The following PCNP variants were observed in gnomAD, a reference collection of about 807,000 sequenced individuals.
PCNP encodes PEST proteolytic signal containing nuclear protein, also known as PEST proteolytic signal-containing nuclear protein.
PCNP carries 6 observed loss-of-function variants against 21.8 expected under a neutral mutation model. That is an observed-to-expected ratio of 0.28 (90% CI 0.15 to 0.54). The LOEUF is 0.54. Among genes scored for constraint, PCNP ranks in the 20% least tolerant of loss-of-function variants. The pLI is 0.95. For missense variants in PCNP, 161 were observed against 215.5 expected, an observed-to-expected ratio of 0.75 and a Z score of 1.58; for synonymous variants, 67 against 73.2, an observed-to-expected ratio of 0.92 and a Z score of 0.43.
intron 4 of PCNP, among the ~76,000 whole-genome samples, chr3:101,591,308 C>T (rs1445768234): frequency 2.0e-5 from 3 of 152,202 alleles, no homozygotes; most frequent in African/African-American, 7.2e-5. Context: ...ACCACCTCAA[C>T]CCCATACTAT....
intron 4 of PCNP, among the ~76,000 whole-genome samples, chr3:101,591,257 T>C (rs769487537): frequency 1.3e-5 from 2 of 152,246 alleles, no homozygotes; most frequent in African/African-American, 2.4e-5. Flanking sequence ...TGTCTTTGTG[T>C]GCATTAATGG....
chr3:101,575,321 A>G (rs955025645), intron 1 of PCNP, among the ~76,000 whole-genome samples: 3 of 152,340 alleles, frequency 2.0e-5, no homozygotes, highest in East Asian at 3.9e-4. Context: ...ACCTACTAAC[A>G]TAATGTTTCA....
chr3:101,589,990 G>T, intron 3 of PCNP: 1 of 486,204 alleles, frequency 2.1e-6, no homozygotes, highest in Non-Finnish European at 3.7e-6. Flanking sequence ...TAGAATGTTT[G>T]TTTTTTCAGC....
chr3:101,592,278 G>T (rs966969946), intron 4 of PCNP, among the ~76,000 whole-genome samples: 62 of 151,864 alleles, frequency 4.1e-4, no homozygotes, highest in African/African-American at 1.5e-3. Context: ...GGTTCAAGCA[G>T]TTGTCCTGCC....
intron 1 of PCNP, chr3:101,574,910 T>G (rs570880352): frequency 6.6e-6 from 1 of 152,438 alleles, no homozygotes; most frequent in South Asian, 2.1e-4. Context: ...CCCTCTGGTT[T>G]AAGCTGCGGG....
At chr3:101,589,607 T>A (rs1461909682) in intron 3 of PCNP, 1 of 152,598 alleles carries the variant, frequency 6.6e-6, no homozygotes, top group Non-Finnish European at 1.5e-5. Context: ...AGACGGGGTT[T>A]CACCATGTTG....
chr3:101,585,586 T>A, intron 3 of PCNP, 75 bp downstream of exon 3: 3 of 824,020 alleles, frequency 3.6e-6, no homozygotes, highest in Non-Finnish European at 6.0e-6. Flanking sequence ...AATTATAGGT[T>A]ATAATAGTAT....
At position 101,574,275 on chromosome 3, in the gene PCNP, C is replaced by T. The variant is rs1446410984; in HGVS notation, c.60C>T (p.Ala20=). The T allele has an allele frequency of 2.0e-6, 3 of 1,535,354 alleles. No homozygotes were observed. The highest frequency in any genetic ancestry group is 2.0e-5 in the Admixed American group (1 of 49,866). ...KPEKSQRAGA[A]GGPEEEAEKP... ...AAAAGTCGCAGCGAGCTGGAGCCGC[C>T]GGAGGTGAACACAACCCCAGCGTCG... The change falls in exon 1 of 5, where the codon GCC becomes GCT. Residue 20 remains alanine, a synonymous_variant. Transcript: ENST00000265260.
chr3:101,578,929 C>T (rs540455951), intron 1 of PCNP, among the ~76,000 whole-genome samples: 7 of 152,240 alleles, frequency 4.6e-5, no homozygotes, highest in South Asian at 2.1e-4. Context: ...TCTGTCTTAC[C>T]GCCTGATATG....
chr3:101,582,447 C>A (rs1344608401), intron 2 of PCNP, among the ~76,000 whole-genome samples: 1 of 151,998 alleles, frequency 6.6e-6, no homozygotes, highest in East Asian at 1.9e-4. Flanking sequence ...GAGACTCCGT[C>A]TCAAAAATAG....
chr3:101,576,971 G>T, intron 1 of PCNP: 1 of 1,111,644 alleles, frequency 9.0e-7, no homozygotes, highest in Non-Finnish European at 1.4e-6. Flanking sequence ...GCGGCGGCGT[G>T]TAGGCCTCCT....
At chr3:101,579,571 C>T (rs1341673870) in intron 1 of PCNP, 1 of 684,596 alleles carries the variant, frequency 1.5e-6, no homozygotes, top group Non-Finnish European at 2.7e-6. Flanking sequence ...TTTTAAATTG[C>T]TCTGTATTTT....
intron 1 of PCNP, chr3:101,576,946 A>G (rs939525754): frequency 2.1e-6 from 3 of 1,453,072 alleles, no homozygotes; most frequent in Admixed American, 3.3e-5. Context: ...CACTAGCGAC[A>G]TGGCGGCAGC....
intron 3 of PCNP, 67 bp from the exon 4 acceptor site, chr3:101,590,148 G>T (rs534659395): frequency 3.6e-6 from 3 of 824,962 alleles, no homozygotes; most frequent in East Asian, 2.5e-5. Context: ...AAAATTTAGC[G>T]TATTAGTAAT....
intron 2 of PCNP, among the ~76,000 whole-genome samples, chr3:101,580,488 G>GTT (rs913189839): frequency 6.7e-6 from 1 of 148,988 alleles, no homozygotes; most frequent in Non-Finnish European, 1.5e-5. Flanking sequence ...ATTTTCCAAA[G>GTT]TTTTTTTTTT....
chr3:101,574,694 G>A (rs543066732), intron 1 of PCNP: 3 of 170,944 alleles, frequency 1.8e-5, no homozygotes, highest in South Asian at 3.8e-4. Context: ...CCACCGAGTA[G>A]TTGCCGCGGG....
chr3:101,586,571 T>TGTGTGTGTGTGTGAGAGAGAGAGA, intron 3 of PCNP, among the ~76,000 whole-genome samples: 3 of 114,142 alleles, frequency 2.6e-5, no homozygotes, highest in African/African-American at 9.1e-5. Flanking sequence ...TGTGTGTGTG[T>TGTGTGTGTGTGTGAGAGAGAGAGA]GAGAGAGAGA....
intron 1 of PCNP, chr3:101,576,371 A>T: frequency 1.4e-6 from 1 of 732,842 alleles, no homozygotes; most frequent in South Asian, 2.4e-5. Flanking sequence ...AGTAGCTGGG[A>T]CTACAGGCGC....
At chr3:101,574,516 G>T (rs1482933300) in intron 1 of PCNP, among the ~76,000 whole-genome samples, 1 of 152,222 alleles carries the variant, frequency 6.6e-6, no homozygotes, top group Admixed American at 6.5e-5. Context: ...CCCCAGCGGA[G>T]GCCCTGATTC....
Sources: gnomAD v4.1 joint callset for allele counts (sites outside exome capture counted in the v4.1 genomes callset) on GRCh38, gnomAD v4.1.1 for gene constraint, MANE v1.5 for transcripts, NCBI Gene and HGNC (gene_info 2026-07-23, HGNC 2026-07-21) for gene names.